MAP3K11: variants seen among roughly 807,000 people sequenced by gnomAD.
MAP3K11 encodes mitogen-activated protein kinase kinase kinase 11.
Under a neutral mutation model 84.9 loss-of-function variants are expected in MAP3K11, and 46 were observed. That is an observed-to-expected ratio of 0.54 (90% CI 0.43 to 0.69). The LOEUF (loss-of-function observed/expected upper bound fraction) is 0.69. Ranked by LOEUF, MAP3K11 falls within the 30% of genes least tolerant of loss-of-function variation. The probability of loss-of-function intolerance (pLI) is 0.00; values close to 1 mark genes in which losing one functional copy is unlikely to be tolerated. For missense variants in MAP3K11, 1,053 were observed against 1,198.3 expected (o/e 0.88, Z 1.79); for synonymous variants, 527 against 514.7 (o/e 1.02, Z -0.32).
chr11:65,612,886 C>T, intron 1 of MAP3K11, 132 bp downstream of exon 1: 1 of 1,094,098 alleles, frequency 9.1e-7, no homozygotes, highest in Non-Finnish European at 1.2e-6. Context: ...CCCATGGGCA[C>T]CCCTGGTCAG....
rs867415651 is a variant in MAP3K11 at position 65,606,768 on chromosome 11, C to T, written c.1526G>A (p.Gly509Asp). The part of the protein sequence containing the change: ...KHRITVQASP[G>D]LDRRRNVFEV... ...GAAGACGTTTCTCCTCCGGTCAAGG[C>T]CGGGTGAGGCCTGCACGGTGATGCG... The change falls in exon 6 of 10, where the codon GGC becomes GAC. Residue 509 changes from glycine to aspartate, a missense_variant. Around this residue, in one of 3 missense-constraint regions of MAP3K11, gnomAD observed 583 missense variants for 566.6 expected, o/e 1.03. Transcript: ENST00000309100. 6.2e-7 allele frequency: 1 copy of T among 1,607,394 alleles called. No homozygotes were observed. Among genetic ancestry groups the T allele is most frequent in the Non-Finnish European group, 8.5e-7 (1 of 1,177,202 alleles).
chr11:65,599,399 G>C lies in MAP3K11; in HGVS notation c.2201C>G (p.Pro734Arg), dbSNP rs767076424. 10 of 1,534,144 alleles carry C rather than the reference G, an allele frequency of 6.5e-6. No individual in the cohort carries two copies. The highest frequency in any genetic ancestry group is 7.8e-6 in the Non-Finnish European group (9 of 1,151,050). ...SAKSPRREEE[P>R]RGGTVSPPPG... ...GCCGGCTTCAGGCCACTCACCGCGGGGCTCCTCCTCACGTCGGGGGCTCTT... is the reference window on the plus strand; with the variant it reads ...GCCGGCTTCAGGCCACTCACCGCGGCGCTCCTCCTCACGTCGGGGGCTCTT... The change falls in exon 9 of 10, where the codon CCC (proline) becomes CGC (arginine). Residue 734 changes from proline to arginine, a missense_variant. By Grantham distance (103) the Pro-to-Arg change is moderately radical. This residue lies in a region of MAP3K11 where 583 missense variants were observed against 566.6 expected (regional missense o/e 1.03). Transcript: ENST00000309100.
rs142992228 is a variant in MAP3K11 at position 65,613,641 on chromosome 11, G to T, written c.116C>A (p.Ala39Glu). 25 of 1,612,826 alleles carry T rather than the reference G, an allele frequency of 1.6e-5. No homozygotes were observed. The highest frequency in any genetic ancestry group is 2.2e-5 in the East Asian group (1 of 44,868). The stretch of plus-strand genomic sequence containing the variant: ...TGTCCACACCGGGTTGGCATAACCC[G>T]CTGCCTTTGGAGACCCCTCAGGCCG... Reference protein sequence around the residue: ...GGRPEGSPKAAGYANPVWTAL... With the variant: ...GGRPEGSPKAEGYANPVWTAL... The change falls in exon 1 of 10, where the codon GCG becomes GAG. Residue 39 changes from alanine (A) to glutamate (E), a missense_variant. This residue lies in a region of MAP3K11 where 160 missense variants were observed against 167.3 expected (regional missense o/e 0.96). Transcript: ENST00000309100.
rs1565146412 is a variant in MAP3K11 at position 65,613,028 on chromosome 11, C to T, written c.729G>A (p.Lys243=). Reference sequence around the variant, plus strand: ...CCCCCAGAAACTCACTGTTGTTGGACTTGAGATCACGGTGGATGACGGGCA... The same window carrying T: ...CCCCCAGAAACTCACTGTTGTTGGATTTGAGATCACGGTGGATGACGGGCA... ...ALVPVIHRDL[K]SNNILLLQPI... is the part of the protein sequence containing the mutation. The change falls in exon 1 of 10, where the codon AAG becomes AAA. Residue 243 remains lysine (K), a synonymous_variant. Coordinates refer to ENST00000309100, the MANE Select transcript of MAP3K11 (RefSeq NM_002419.4). The T allele has an allele frequency of 5.2e-6, 8 of 1,523,820 alleles. No individual in the cohort carries two copies. Among genetic ancestry groups the T allele is most frequent in the Non-Finnish European group, 6.2e-6 (7 of 1,135,828 alleles). The allele number at this position is 1,523,820 out of a possible 1,614,324, so 94.4% of individuals were successfully genotyped here.
At chr11:65,602,875 G>T (rs1402918201) in intron 8 of MAP3K11, among the ~76,000 whole-genome samples, 1 of 152,026 alleles carries the variant, frequency 6.6e-6, no homozygotes, top group African/African-American at 2.4e-5. Context: ...AGCACTTTGG[G>T]AGGCTGGGGT....
In MAP3K11 at chr11:65,613,495, C is replaced by T; in HGVS notation, c.262G>A (p.Val88Met). Residue 88 changes from valine (V) to methionine (M), a missense_variant, in exon 1 of 10, where the codon GTG becomes ATG. Transcript: ENST00000309100. ...GGGAAGATGCCCACCTGGCCACCCA[C>T]CTGGCCCGCCCACCAGCCCTCGTCT... is the stretch of plus-strand genomic sequence containing the variant. ...SGDEGWWAGQ[V>M]GGQVGIFPSN... is the part of the protein sequence containing the mutation. 6.2e-7 allele frequency: 1 copy of T among 1,611,286 alleles called. No homozygotes were observed. The highest frequency in any genetic ancestry group is 8.5e-7 in the Non-Finnish European group (1 of 1,178,752).
rs565593674 is a variant in MAP3K11, at chr11:65,605,706, A to G, written c.1831+55T>C. 152 of 1,372,152 alleles carry G rather than the reference A, an allele frequency of 1.1e-4. No homozygotes were observed. In the African/African-American group the frequency reaches 1.7e-3, roughly 16 times the overall value. 85.0% of individuals were successfully genotyped at this position (1,372,152 alleles called of 1,614,324 possible). A position where few individuals can be genotyped will look rare whatever the true frequency, so the allele number is the denominator to read the frequency against. On this transcript the variant is annotated intron_variant, in intron 8 of 9. Transcript: ENST00000309100. ...CTACTAGCCTATTGTGGCCTCCCCA[A>G]GGTGCCCACGGAAGGAGCTCAGCCA...
Position 65,598,429 on chromosome 11 carries a change from G to A in MAP3K11, c.2406C>T (p.Pro802=), listed in dbSNP as rs1854408897. Reference sequence around the variant, plus strand: ...GGTCTGAGTCCGGGAACAAGGTCCAGGGTGCTCGGCGGGGTGCAGGCTGTG... The same window carrying A: ...GGTCTGAGTCCGGGAACAAGGTCCAAGGTGCTCGGCGGGGTGCAGGCTGTG... The part of the protein sequence containing the change: ...PSPQPAPRRA[P]WTLFPDSDPF... Residue 802 remains proline, a synonymous_variant, in exon 10 of 10, where the codon CCC becomes CCT. Coordinates refer to ENST00000309100, the MANE Select transcript of MAP3K11 (RefSeq NM_002419.4). 1 of 1,604,430 alleles carries A rather than the reference G, an allele frequency of 6.2e-7. No homozygotes were observed. Among genetic ancestry groups the A allele is most frequent in the Non-Finnish European group, 8.5e-7 (1 of 1,174,562 alleles).
rs373143339 is a variant in MAP3K11 at position 65,599,414 on chromosome 11, C to T, written c.2186G>A (p.Arg729Gln). ...PVGQRSAKSP[R>Q]REEEPRGGTV... ...CTCACCGCGGGGCTCCTCCTCACGT[C>T]GGGGGCTCTTGGCTGACCGCTGGCC... The change falls in exon 9 of 10, where the codon CGA becomes CAA. Residue 729 changes from arginine (R) to glutamine (Q), a missense_variant. Arg to Gln is a conservative substitution (Grantham distance 43). Transcript: ENST00000309100. 2.1e-5 allele frequency: 32 copies of T among 1,532,592 alleles called. No individual in the cohort carries two copies. The highest frequency in any genetic ancestry group is 1.9e-4 in the Admixed American group (8 of 41,074). 94.9% of individuals were successfully genotyped at this position (1,532,592 alleles called of 1,614,324 possible). A position where few individuals can be genotyped will look rare whatever the true frequency, so the allele number is the denominator to read the frequency against.
At chr11:65,603,594 T>C (rs1854478020) in intron 8 of MAP3K11, among the ~76,000 whole-genome samples, 3 of 152,262 alleles carry the variant, frequency 2.0e-5, no homozygotes, top group Admixed American at 2.0e-4. Context: ...CTGGGACCTC[T>C]GTGAAGCCCC....
intron 8 of MAP3K11, among the ~76,000 whole-genome samples, chr11:65,600,572 C>T (rs1039733590): frequency 6.6e-6 from 1 of 152,218 alleles, no homozygotes; most frequent in African/African-American, 2.4e-5. Flanking sequence ...TTTCAAGACA[C>T]TAGTGTCCTA....
intron 5 of MAP3K11, 136 bp downstream of exon 5, chr11:65,607,134 C>G: frequency 8.3e-7 from 1 of 1,211,484 alleles, no homozygotes; most frequent in South Asian, 1.7e-5. Context: ...ACTCCTGGCT[C>G]CACCCCTCCC....
In MAP3K11 at chr11:65,607,303, G is replaced by A; in HGVS notation, c.1456C>T (p.Arg486Cys). ...ATGCTGATACGCTCGCCGCCGTCGC[G>A]CGCCCGGAGCTTGCTGCGCTTGAAT... ...GTFKRSKLRA[R>C]DGGERISMPL... The change falls in exon 5 of 10, where the codon CGC becomes TGC. Residue 486 changes from arginine (R) to cysteine (C), a missense_variant. By Grantham distance (180) the Arg-to-Cys change is radical. Transcript: ENST00000309100. The A allele has an allele frequency of 1.3e-6, 2 of 1,521,384 alleles. No homozygotes were observed. Among genetic ancestry groups the A allele is most frequent in the Non-Finnish European group, 1.7e-6 (2 of 1,143,736 alleles). 94.2% of individuals were successfully genotyped at this position (1,521,384 alleles called of 1,614,324 possible).
Position 65,613,750 on chromosome 11 carries a change from G to A in MAP3K11, c.7C>T (p.Pro3Ser), listed in dbSNP as rs760075378. 3 of 1,552,126 alleles carry A rather than the reference G, an allele frequency of 1.9e-6. No homozygotes were observed. The highest frequency in any genetic ancestry group is 2.7e-5 in the African/African-American group (2 of 73,430). Reference sequence around the variant, plus strand: ...CTCTTGAGGAAGAGGCTCTTCAAGGGCTCCATGGCCGGGAGCCGGCGCTGG... The same window carrying A: ...CTCTTGAGGAAGAGGCTCTTCAAGGACTCCATGGCCGGGAGCCGGCGCTGG... The part of the protein sequence containing the change: ME[P>S]LKSLFLKSPL... The change falls in exon 1 of 10, where the codon CCC becomes TCC. Residue 3 changes from proline to serine, a missense_variant. By Grantham distance (74) the Pro-to-Ser change is moderately conservative. Coordinates refer to ENST00000309100, the MANE Select transcript of MAP3K11 (RefSeq NM_002419.4).
chr11:65,613,213 CAG>C lies in MAP3K11; in HGVS notation c.542_543del (p.Ala181GlyfsTer60). The C allele has an allele frequency of 6.3e-7, 1 of 1,591,526 alleles. No homozygotes were observed. The highest frequency in any genetic ancestry group is 8.6e-7 in the Non-Finnish European group (1 of 1,166,440). On this transcript the variant is annotated frameshift_variant, in exon 1 of 10. Coordinates refer to ENST00000309100, the MANE Select transcript of MAP3K11 (RefSeq NM_002419.4). LOFTEE classifies it high-confidence loss of function. ...LAHPNIIALK[A>X]VCLEEPNLCL... is the part of the protein sequence containing the mutation. ...CACAGGTTGGGCTCCTCCAGGCACACAGCCTTGAGGGCAATGATGTTGGGGTG... is the reference window on the plus strand; with the variant it reads ...CACAGGTTGGGCTCCTCCAGGCACACCCTTGAGGGCAATGATGTTGGGGTG...
In MAP3K11 at chr11:65,613,347, C is replaced by T. The variant is rs145388794; in HGVS notation, c.410G>A (p.Arg137Gln). 1.1e-5 allele frequency: 17 copies of T among 1,613,006 alleles called. No individual in the cohort carries two copies. The highest frequency in any genetic ancestry group is 4.5e-5 in the East Asian group (2 of 44,886). The change falls in exon 1 of 10, where the codon CGA (arginine) becomes CAA (glutamine). Residue 137 changes from arginine to glutamine, a missense_variant. Coordinates refer to ENST00000309100, the MANE Select transcript of MAP3K11 (RefSeq NM_002419.4). ...TGCCTTCACAGCCACCAGCTCACCT[C>T]GCCAGCTGCCCCTGTACACCTTGCC... Reference protein sequence around the residue: ...GFGKVYRGSWRGELVAVKAAR... With the variant: ...GFGKVYRGSWQGELVAVKAAR...
At position 65,598,063 on chromosome 11, in the gene MAP3K11, C is replaced by T; in HGVS notation, c.*228G>A. ...CAACCAGCTGGGTACAGTGTTGGGC[C>T]CCAGTAGGGCAGGTGAGCTGGGGGG... On this transcript the variant is annotated 3_prime_UTR_variant, in exon 10 of 10. Coordinates refer to ENST00000309100, the MANE Select transcript of MAP3K11 (RefSeq NM_002419.4). The T allele has an allele frequency of 2.5e-6, 1 of 401,594 alleles. No individual in the cohort carries two copies. The highest frequency in any genetic ancestry group is 3.6e-5 in the East Asian group (1 of 27,808). 24.9% of individuals were successfully genotyped at this position (401,594 alleles called of 1,614,324 possible). A position where few individuals can be genotyped will look rare whatever the true frequency, so the allele number is the denominator to read the frequency against.
rs1244712950 is a variant in MAP3K11 at position 65,613,887 on chromosome 11, G to A, written c.-131C>T. The A allele has an allele frequency of 3.9e-6, 4 of 1,027,786 alleles. No individual in the cohort carries two copies. The African/African-American group carries it at 4.9e-5, about 13-fold the overall frequency. The allele number at this position is 1,027,786 out of a possible 1,614,324, so 63.7% of individuals were successfully genotyped here. On this transcript the variant is annotated 5_prime_UTR_variant, in exon 1 of 10. Transcript: ENST00000309100. ...CCCTGGCCCTCAGCCCCAGACCCAC[G>A]CCTCTCTGGGGAGCCAGGAGTGTTG...
At chr11:65,599,341 C>T in intron 9 of MAP3K11, 53 bp downstream of exon 9, 6 of 1,489,378 alleles carry the variant, frequency 4.0e-6, no homozygotes, top group Non-Finnish European at 5.3e-6. Flanking sequence ...CTCCTCCCTC[C>T]CTGGGAACCC....
Sources: gnomAD v4.1 joint callset for allele counts (sites outside exome capture counted in the v4.1 genomes callset) on GRCh38, gnomAD v4.1.1 for gene constraint, gnomAD v4.1.1 regional missense constraint, MANE v1.5 for transcripts, NCBI Gene and HGNC (gene_info 2026-07-23, HGNC 2026-07-21) for gene names.